Variants in LHPP observed in about 807,000 individuals in gnomAD.
LHPP encodes the protein phospholysine phosphohistidine inorganic pyrophosphate phosphatase.
A neutral mutation model predicts 30.3 loss-of-function variants in LHPP; 24 were observed. That is an observed-to-expected ratio of 0.79 (90% CI 0.57 to 1.11). The LOEUF (loss-of-function observed/expected upper bound fraction) is 1.11, where lower values mean the gene tolerates loss of function less well. LHPP is among the 50% of genes most tolerant of loss of function. The probability of loss-of-function intolerance (pLI) is 0.00; values close to 1 mark genes in which losing one functional copy is unlikely to be tolerated. For missense variants in LHPP, 356 were observed against 367.2 expected, an observed-to-expected ratio of 0.97 and a Z score of 0.25; for synonymous variants, 150 against 157.1, an observed-to-expected ratio of 0.95 and a Z score of 0.34.
chr10:124,536,338 C>A (rs1418258252), intron 6 of LHPP, among the ~76,000 whole-genome samples: 1 of 152,240 alleles, frequency 6.6e-6, no homozygotes, highest in African/African-American at 2.4e-5. Flanking sequence ...TGTCTGGAAC[C>A]AGGAAAGAGG....
intron 6 of LHPP, among the ~76,000 whole-genome samples, chr10:124,531,357 G>C (rs1954899826): frequency 6.6e-6 from 1 of 152,222 alleles, no homozygotes; most frequent in African/African-American, 2.4e-5. Flanking sequence ...GCACTCCCTG[G>C]AGTTCCCGCA....
intron 1 of LHPP, among the ~76,000 whole-genome samples, chr10:124,482,862 T>C (rs1953184582): frequency 2.0e-5 from 3 of 152,336 alleles, no homozygotes; most frequent in Middle Eastern, 3.4e-3. Context: ...CAAATTGCCC[T>C]TCCTTTGCAG....
At chr10:124,537,781 C>T (rs910281949) in intron 6 of LHPP, among the ~76,000 whole-genome samples, 7 of 152,220 alleles carry the variant, frequency 4.6e-5, no homozygotes, top group Admixed American at 1.3e-4. Flanking sequence ...CCCGAGACTT[C>T]GGAGCTCTCA....
rs1030818617 is a variant in LHPP, at chr10:124,590,748, C to T, written c.717-22516C>T. On this transcript the variant is annotated intron_variant, in intron 6 of 6. Coordinates refer to ENST00000368842, the MANE Select transcript of LHPP (RefSeq NM_022126.4). This position sits in a 1 kb window ranked among gnomAD's most constrained non-coding sequence, Gnocchi z 4.3. ...GCCACCTGCCTGCCTCCTCTGCCAC[C>T]GAGGGAAGCCATGTCGCCTTCCTGA... is the stretch of plus-strand genomic sequence containing the variant. Among the ~76,000 whole-genome samples, 4 of 152,198 alleles carry T rather than the reference C, an allele frequency of 2.6e-5. No individual in the cohort carries two copies. The highest frequency in any genetic ancestry group is 2.9e-5 in the Non-Finnish European group (2 of 68,034).
At chr10:124,574,151 G>A (rs530293500) in intron 6 of LHPP, among the ~76,000 whole-genome samples, 7 of 152,264 alleles carry the variant, frequency 4.6e-5, no homozygotes, top group South Asian at 4.1e-4. Flanking sequence ...TGTGAAACCC[G>A]AAAGACAAGC....
intron 6 of LHPP, among the ~76,000 whole-genome samples, chr10:124,572,972 A>G (rs4962651): frequency 0.76 from 115,341 of 152,156 alleles, 44,395 homozygotes; most frequent in East Asian, 0.86. Flanking sequence ...CACTCAGGGC[A>G]TGTATCAGTG....
intron 6 of LHPP, among the ~76,000 whole-genome samples, chr10:124,550,063 G>A (rs1955442911): frequency 6.6e-6 from 1 of 152,226 alleles, no homozygotes; most frequent in Admixed American, 6.5e-5. Context: ...GATCTCAGAG[G>A]CCCAGGGGTT....
At chr10:124,538,969 G>A (rs1005888921) in intron 6 of LHPP, among the ~76,000 whole-genome samples, 2 of 152,184 alleles carry the variant, frequency 1.3e-5, no homozygotes, top group Non-Finnish European at 1.5e-5. Context: ...TATTGGAGGA[G>A]TTGAATTATT....
intron 6 of LHPP, among the ~76,000 whole-genome samples, chr10:124,567,334 A>T (rs1445966693): frequency 6.6e-6 from 1 of 152,170 alleles, no homozygotes. Context: ...GAGCGAGTGC[A>T]CGCCCGGGCC....
chr10:124,525,424 C>T (rs1422725701), intron 6 of LHPP, among the ~76,000 whole-genome samples: 5 of 152,182 alleles, frequency 3.3e-5, no homozygotes, highest in Non-Finnish European at 5.9e-5. Context: ...GCCCCCACCA[C>T]GGGGGGACCC....
At chr10:124,484,925 A>G (rs1953274205) in intron 2 of LHPP, among the ~76,000 whole-genome samples, 1 of 152,218 alleles carries the variant, frequency 6.6e-6, no homozygotes, top group Non-Finnish European at 1.5e-5. Flanking sequence ...AGCAGAAGGA[A>G]CAATATTACT....
chr10:124,582,308 T>C (rs1449956698), intron 6 of LHPP, among the ~76,000 whole-genome samples: 2 of 152,206 alleles, frequency 1.3e-5, no homozygotes, highest in Middle Eastern at 3.2e-3. Context: ...GGTCTCAAAC[T>C]CTTAGCCTCA....
At chr10:124,559,256 C>T (rs189843635) in intron 6 of LHPP, among the ~76,000 whole-genome samples, 38 of 152,346 alleles carry the variant, frequency 2.5e-4, no homozygotes, top group African/African-American at 8.9e-4. Context: ...ACAGTGCTAT[C>T]TGAAGATGAG....
At position 124,613,359 on chromosome 10, in the gene LHPP, G is replaced by A; in HGVS notation, c.812G>A (p.Ter271=). The A allele has an allele frequency of 6.2e-7, 1 of 1,610,588 alleles. No homozygotes were observed. The highest frequency in any genetic ancestry group is 8.5e-7 in the Non-Finnish European group (1 of 1,178,564). Reference sequence around the variant, plus strand: ...CTGCTGCTGCAGCACGCCGACAAGTGATGGCCTCCTGGGAGAGCCCCGCCT... The same window carrying A: ...CTGCTGCTGCAGCACGCCGACAAGTAATGGCCTCCTGGGAGAGCCCCGCCT... ...VDLLLQHADK[*] Residue 271 remains the stop codon, a stop_retained_variant, in exon 7 of 7, where the codon TGA becomes TAA. Transcript: ENST00000368842.
intron 6 of LHPP, among the ~76,000 whole-genome samples, chr10:124,529,274 A>C (rs1429465179): frequency 6.6e-5 from 10 of 151,884 alleles, no homozygotes; most frequent in Non-Finnish European, 1.3e-4. Flanking sequence ...TGACCTCGTG[A>C]TCTGCCCACC....
chr10:124,560,796 A>T (rs1360449388), intron 6 of LHPP, among the ~76,000 whole-genome samples: 2 of 152,140 alleles, frequency 1.3e-5, no homozygotes, highest in African/African-American at 2.4e-5. Context: ...CTTTGAGGGG[A>T]GCATCTGTCA....
intron 5 of LHPP, chr10:124,498,816 GCC>G (rs75208793): frequency 3.2e-4 from 103 of 317,306 alleles, no homozygotes; most frequent in Admixed American, 1.8e-3. Flanking sequence ...TACTAACCAG[GCC>G]CCCCCCCCGC....
At chr10:124,463,903 A>T (rs1952481916) in intron 1 of LHPP, among the ~76,000 whole-genome samples, 1 of 143,574 alleles carries the variant, frequency 7.0e-6, no homozygotes. Context: ...TGCAACCTCT[A>T]CCTCAAGGGC....
intron 6 of LHPP, among the ~76,000 whole-genome samples, chr10:124,611,877 G>T (rs575627595): frequency 1.3e-5 from 2 of 152,214 alleles, no homozygotes; most frequent in East Asian, 3.9e-4. Flanking sequence ...CGCTGCTGCC[G>T]GGAGACTGTG....
Sources: gnomAD v4.1 joint callset for allele counts (sites outside exome capture counted in the v4.1 genomes callset) on GRCh38, gnomAD v4.1.1 for gene constraint, Gnocchi (gnomAD v3.1) non-coding constraint, MANE v1.5 for transcripts, NCBI Gene and HGNC (gene_info 2026-07-23, HGNC 2026-07-21) for gene names.